RPGRIP1L: variants seen among roughly 807,000 people sequenced by gnomAD.
The protein encoded by RPGRIP1L is RPGRIP1 like.
Under a neutral mutation model 160.4 loss-of-function variants are expected in RPGRIP1L, and 131 were observed. The ratio of observed to expected loss-of-function variants is 0.82; its 90% CI spans 0.71 to 0.94. The LOEUF is 0.94. Ranked by LOEUF, RPGRIP1L falls within the 40% of genes least tolerant of loss-of-function variation. RPGRIP1L has a pLI of 0.00. For missense variants in RPGRIP1L, 1,522 were observed against 1,535.8 expected, an observed-to-expected ratio of 0.99 and a Z score of 0.15; for synonymous variants, 510 against 515.8, an observed-to-expected ratio of 0.99 and a Z score of 0.15.
intron 8 of RPGRIP1L, among the ~76,000 whole-genome samples, chr16:53,672,175 C>T (rs1949712657): frequency 6.6e-6 from 1 of 152,100 alleles, no homozygotes; most frequent in Admixed American, 6.6e-5. Flanking sequence ...AATTACATCC[C>T]TATGGCTAAA....
At chr16:53,614,983 G>C (rs1964270445) in intron 24 of RPGRIP1L, among the ~76,000 whole-genome samples, 1 of 152,180 alleles carries the variant, frequency 6.6e-6, no homozygotes, top group Admixed American at 6.5e-5. Context: ...AAGAAATGCA[G>C]ATGGCTTAAT....
intron 6 of RPGRIP1L, among the ~76,000 whole-genome samples, chr16:53,682,347 C>T (rs1000985347): frequency 6.6e-6 from 1 of 152,034 alleles, no homozygotes; most frequent in Non-Finnish European, 1.5e-5. Flanking sequence ...ATAATATAGC[C>T]CCCTAAGGAG....
chr16:53,690,812 A>T (rs928360392), intron 4 of RPGRIP1L, among the ~76,000 whole-genome samples: 1 of 152,146 alleles, frequency 6.6e-6, no homozygotes, highest in Non-Finnish European at 1.5e-5. Context: ...CATTTTATAG[A>T]TGGGGAAAAT....
Position 53,696,255 on chromosome 16 carries a change from C to T in RPGRIP1L, c.126G>A (p.Val42=), listed in dbSNP as rs1423077786. 8 of 1,614,072 alleles carry T rather than the reference C, an allele frequency of 5.0e-6. No individual in the cohort carries two copies. The highest frequency in any genetic ancestry group is 6.8e-6 in the Non-Finnish European group (8 of 1,179,976). Residue 42 remains valine, a synonymous_variant, in exon 3 of 27, where the codon GTG becomes GTA. Coordinates refer to ENST00000647211, the MANE Select transcript of RPGRIP1L (RefSeq NM_015272.5). Reference sequence around the variant, plus strand: ...CCAGTTCCTCACGACTGACACGTGACACTGCCTGGCGAGACTTCATTGTCC... The same window carrying T: ...CCAGTTCCTCACGACTGACACGTGATACTGCCTGGCGAGACTTCATTGTCC... ...TTRTMKSRQA[V]SRVSREELED...
chr16:53,677,970 T>C (rs1223901473), intron 6 of RPGRIP1L, among the ~76,000 whole-genome samples: 3 of 152,184 alleles, frequency 2.0e-5, no homozygotes, highest in Non-Finnish European at 2.9e-5. Flanking sequence ...CTGACAGTCA[T>C]GGACCAAATC....
At chr16:53,661,371 TTAAAC>T (rs1480151043) in intron 10 of RPGRIP1L, among the ~76,000 whole-genome samples, 1 of 152,186 alleles carries the variant, frequency 6.6e-6, no homozygotes, top group Non-Finnish European at 1.5e-5. Flanking sequence ...ATACTTGTCT[TTAAAC>T]TAAAAATTCA....
rs968875506 is a variant in RPGRIP1L at position 53,692,464 on chromosome 16, C to T, written c.231-100G>A. 6.4e-6 allele frequency: 7 copies of T among 1,098,354 alleles called. No homozygotes were observed. The Admixed American group carries it at 1.2e-4, about 20-fold the overall frequency. 68.0% of individuals were successfully genotyped at this position (1,098,354 alleles called of 1,614,324 possible). On this transcript the variant is annotated intron_variant, in intron 3 of 26. Coordinates refer to ENST00000647211, the MANE Select transcript of RPGRIP1L (RefSeq NM_015272.5). ...TCACTGTGAAGACTTCAGTGCAGAA[C>T]CTGAATAATAAATTTCAGGTTTTGA... is the stretch of plus-strand genomic sequence containing the variant.
chr16:53,656,526 C>A lies in RPGRIP1L; in HGVS notation c.1645G>T (p.Glu549Ter), dbSNP rs1676833644. The change falls in exon 14 of 27, where the codon GAA becomes TAA. Residue 549 changes from glutamate (E) to a stop codon, truncating the protein, a stop_gained. Transcript: ENST00000647211. LOFTEE classifies it high-confidence loss of function. ...ATATCAAGAAGATGAACATACTGTT[C>A]CACTTTGAGTTCATAATCTTGCTGC... ...NLQQDYELKVEQYVHLLDIRA... is the reference protein window; with the variant it reads ...NLQQDYELKV The A allele has an allele frequency of 1.2e-6, 2 of 1,613,876 alleles. No homozygotes were observed. The highest frequency in any genetic ancestry group is 2.7e-5 in the African/African-American group (2 of 74,900).
intron 3 of RPGRIP1L, chr16:53,694,087 T>C (rs1164256291): frequency 6.6e-6 from 1 of 152,182 alleles, no homozygotes; most frequent in East Asian, 1.9e-4. Context: ...TTTGATTATT[T>C]TATCATATTA....
At position 53,671,633 on chromosome 16, in the gene RPGRIP1L, T is replaced by G. The variant is rs201831442; in HGVS notation, c.1030-50A>C. ...TTAAGTAAATATTATATAAAACCACTTGGGGGTAAAAAAAAACATTAAAAA... is the reference window on the plus strand; with the variant it reads ...TTAAGTAAATATTATATAAAACCACGTGGGGGTAAAAAAAAACATTAAAAA... On this transcript the variant is annotated intron_variant, in intron 8 of 26. Transcript: ENST00000647211. The G allele has an allele frequency of 4.3e-4, 408 of 945,248 alleles. No individual in the cohort carries two copies. The African/African-American group carries it at 6.1e-3, about 14-fold the overall frequency. The allele number at this position is 945,248 out of a possible 1,614,324, so 58.6% of individuals were successfully genotyped here.
chr16:53,610,847 A>G, intron 25 of RPGRIP1L, 120 bp downstream of exon 25: 1 of 793,564 alleles, frequency 1.3e-6, no homozygotes, highest in Non-Finnish European at 2.2e-6. Flanking sequence ...GAGGGTACAG[A>G]GTGAGTCAGA....
At chr16:53,690,868 G>A (rs1175418486) in intron 4 of RPGRIP1L, among the ~76,000 whole-genome samples, 1 of 152,124 alleles carries the variant, frequency 6.6e-6, no homozygotes, top group East Asian at 1.9e-4. Context: ...GTTACTCAGT[G>A]GCAGAATGTA....
intron 6 of RPGRIP1L, among the ~76,000 whole-genome samples, chr16:53,675,909 G>C (rs1301185325): frequency 6.6e-6 from 1 of 152,070 alleles, no homozygotes; most frequent in Non-Finnish European, 1.5e-5. Flanking sequence ...ACAGAGAAAA[G>C]TTCCTTAATT....
At chr16:53,679,947 C>T (rs956549552) in intron 6 of RPGRIP1L, among the ~76,000 whole-genome samples, 3 of 152,136 alleles carry the variant, frequency 2.0e-5, no homozygotes, top group African/African-American at 7.2e-5. Flanking sequence ...GTAATGGAAA[C>T]AACACTCAAA....
chr16:53,695,270 A>G (rs1354031647), intron 3 of RPGRIP1L: 2 of 690,128 alleles, frequency 2.9e-6, no homozygotes, highest in South Asian at 3.1e-5. Context: ...CAAGTGAGTC[A>G]CAAATCTTGA....
At chr16:53,702,717 T>C (rs1971545393) in intron 1 of RPGRIP1L, among the ~76,000 whole-genome samples, 1 of 151,432 alleles carries the variant, frequency 6.6e-6, no homozygotes, top group Admixed American at 6.6e-5. Context: ...AGGGTCTTGC[T>C]ATGTTGCCCG....
chr16:53,621,381 T>A (rs990365600), intron 23 of RPGRIP1L, among the ~76,000 whole-genome samples: 9 of 149,456 alleles, frequency 6.0e-5, no homozygotes, highest in African/African-American at 2.0e-4. Context: ...ATCAAAAAAA[T>A]AAAATAACTT....
At chr16:53,645,252 A>G (rs1966465553) in intron 17 of RPGRIP1L, among the ~76,000 whole-genome samples, 1 of 152,150 alleles carries the variant, frequency 6.6e-6, no homozygotes, top group Non-Finnish European at 1.5e-5. Flanking sequence ...AGCAATGATT[A>G]TAACATTGTA....
chr16:53,684,017 C>T (rs192060653), intron 6 of RPGRIP1L, among the ~76,000 whole-genome samples: 5 of 152,124 alleles, frequency 3.3e-5, no homozygotes, highest in East Asian at 1.9e-4. Context: ...ATGTAAAACC[C>T]GAAACTACAA....
Sources: allele counts gnomAD v4.1 joint callset (sites outside exome capture counted in the v4.1 genomes callset), GRCh38; gene constraint gnomAD v4.1.1; transcripts MANE v1.5; gene names NCBI Gene and HGNC (gene_info 2026-07-23, HGNC 2026-07-21).